LMAN1L: variants seen among roughly 807,000 people sequenced by gnomAD.
LMAN1L encodes the protein lectin, mannose binding 1 like.
LMAN1L carries 60 observed loss-of-function variants against 58.3 expected under a neutral mutation model. That is an observed-to-expected ratio of 1.03 (90% CI 0.84 to 1.27). The LOEUF is 1.27. Among genes scored for constraint, LMAN1L ranks in the 50% most tolerant of loss-of-function variants. LMAN1L has a pLI of 0.00. For synonymous variants in LMAN1L, 280 were observed against 271.6 expected, an observed-to-expected ratio of 1.03 and a Z score of -0.31; for missense variants, 629 against 674.0, an observed-to-expected ratio of 0.93 and a Z score of 0.74.
In LMAN1L at chr15:74,825,661, G is replaced by A. The variant is rs1006352503; in HGVS notation, c.*56G>A. On this transcript the variant is annotated 3_prime_UTR_variant, in exon 14 of 14. Transcript: ENST00000309664. ...GAAGCAGGCAGTGTCTTGGGTGGGG[G>A]CTTGGTCAGTATCCTCTCCGTCTGG... 4 of 1,570,142 alleles carry A rather than the reference G, an allele frequency of 2.5e-6. No individual in the cohort carries two copies. In the African/African-American group the frequency reaches 5.4e-5, roughly 21 times the overall value.
intron 12 of LMAN1L, 194 bp from the exon 13 acceptor site, chr15:74,824,157 C>T (rs1023478112): frequency 7.8e-6 from 5 of 642,050 alleles, no homozygotes; most frequent in Non-Finnish European, 1.4e-5. Flanking sequence ...CAGCTGTTCC[C>T]ACAGATGCAG....
chr15:74,815,661 G>C (rs1365356966), intron 1 of LMAN1L, among the ~76,000 whole-genome samples: 1 of 152,126 alleles, frequency 6.6e-6, no homozygotes, highest in African/African-American at 2.4e-5. Context: ...TAGAGTCTTG[G>C]GCCTTCTTGC....
At position 74,825,698 on chromosome 15, in the gene LMAN1L, C is replaced by T. The variant is rs867471638; in HGVS notation, c.*93C>T. On this transcript the variant is annotated 3_prime_UTR_variant, in exon 14 of 14. Coordinates refer to ENST00000309664, the MANE Select transcript of LMAN1L (RefSeq NM_021819.3). Reference sequence around the variant, plus strand: ...TCCTCTCCGTCTGGGTGCCCAGCTCCCACGCACACCTGAGCTTTCGGCATG... The same window carrying T: ...TCCTCTCCGTCTGGGTGCCCAGCTCTCACGCACACCTGAGCTTTCGGCATG... 1.5e-6 allele frequency: 2 copies of T among 1,302,478 alleles called. No individual in the cohort carries two copies. The highest frequency in any genetic ancestry group is 1.3e-5 in the South Asian group (1 of 77,280). 80.7% of individuals were successfully genotyped at this position (1,302,478 alleles called of 1,614,324 possible). A position where few individuals can be genotyped will look rare whatever the true frequency, so the allele number is the denominator to read the frequency against.
rs1816182122 is a variant in LMAN1L at position 74,819,235 on chromosome 15, T to A, written c.681T>A (p.Gly227=). The A allele has an allele frequency of 1.2e-6, 2 of 1,613,894 alleles. No homozygotes were observed. The highest frequency in any genetic ancestry group is 2.2e-5 in the South Asian group (2 of 91,084). ...GGCCCCTGCTTTTGGTCCCTGGAGG[T>A]TTCTTTGGGGTCTCAGCAGCCACCG... is the stretch of plus-strand genomic sequence containing the variant. ...DVGPLLLVPG[G]FFGVSAATGT... is the part of the protein sequence containing the mutation. Residue 227 remains glycine (G), a synonymous_variant, in exon 6 of 14, where the codon GGT becomes GGA. Transcript: ENST00000309664.
intron 1 of LMAN1L, among the ~76,000 whole-genome samples, chr15:74,814,659 C>T (rs2063882998): frequency 6.6e-6 from 1 of 152,192 alleles, no homozygotes; most frequent in Admixed American, 6.5e-5. Context: ...AGGCGAGCCA[C>T]CGCGCCCAGC....
At chr15:74,820,414 G>A in intron 7 of LMAN1L, 1 of 655,240 alleles carries the variant, frequency 1.5e-6, no homozygotes, top group Non-Finnish European at 2.6e-6. Flanking sequence ...TGGAGGAGAT[G>A]AGCTTAAAGG....
At position 74,819,292 on chromosome 15, in the gene LMAN1L, G is replaced by A; in HGVS notation, c.718+20G>A. 2 of 1,612,934 alleles carry A rather than the reference G, an allele frequency of 1.2e-6. No homozygotes were observed. Among genetic ancestry groups the A allele is most frequent in the South Asian group, 2.2e-5 (2 of 90,968 alleles). On this transcript the variant is annotated intron_variant, in intron 6 of 13. Transcript: ENST00000309664. The stretch of plus-strand genomic sequence containing the variant: ...TGGCAGGTGAGGATCCCACTGGACA[G>A]GTAAGAGCAGAAGGGCAGTGATGAA...
chr15:74,821,290 G>T, intron 9 of LMAN1L, 64 bp downstream of exon 9: 1 of 1,512,442 alleles, frequency 6.6e-7, no homozygotes, highest in Non-Finnish European at 8.9e-7. Flanking sequence ...AAGCACTGTA[G>T]TCAGCAACTA....
intron 4 of LMAN1L, among the ~76,000 whole-genome samples, chr15:74,818,513 G>A (rs571885511): frequency 2.0e-5 from 3 of 152,286 alleles, no homozygotes; most frequent in African/African-American, 7.2e-5. Context: ...GACCAACAAT[G>A]TGAAACCCCA....
chr15:74,821,103 G>C lies in LMAN1L; in HGVS notation c.936G>C (p.Thr312=), dbSNP rs753358635. Reference sequence around the variant, plus strand: ...AAAGGCTCTTTGACCTGGAGGAGACGCTGGGCAGACACCGCCGGATCCTGC... The same window carrying C: ...AAAGGCTCTTTGACCTGGAGGAGACCCTGGGCAGACACCGCCGGATCCTGC... ...EGERLFDLEE[T]LGRHRRILQA... The change falls in exon 9 of 14, where the codon ACG becomes ACC. Residue 312 remains threonine (T), a synonymous_variant. Coordinates refer to ENST00000309664, the MANE Select transcript of LMAN1L (RefSeq NM_021819.3). 5 of 1,573,882 alleles carry C rather than the reference G, an allele frequency of 3.2e-6. No individual in the cohort carries two copies. In the Admixed American group the frequency reaches 5.6e-5, roughly 18 times the overall value.
intron 7 of LMAN1L, 69 bp from the exon 8 acceptor site, chr15:74,820,566 T>G (rs1276680673): frequency 1.9e-6 from 3 of 1,593,428 alleles, no homozygotes; most frequent in Non-Finnish European, 2.6e-6. Flanking sequence ...GGGAAGCCTG[T>G]GGGAAGGCTC....
rs1246553183 is a variant in LMAN1L, at chr15:74,816,539, G to T, written c.438+5G>T. 5 of 1,571,472 alleles carry T rather than the reference G, an allele frequency of 3.2e-6. No homozygotes were observed. The highest frequency in any genetic ancestry group is 2.7e-5 in the African/African-American group (2 of 74,168). On this transcript the variant is annotated splice_donor_5th_base_variant and intron_variant, in intron 3 of 13. Coordinates refer to ENST00000309664, the MANE Select transcript of LMAN1L (RefSeq NM_021819.3). ...TCTCCGGCAGAGGATACTCAGGTGC[G>T]TAGTGGTCTCCTGCCTGCCAGCCCG... is the stretch of plus-strand genomic sequence containing the variant.
At position 74,816,499 on chromosome 15, in the gene LMAN1L, G is replaced by A. The variant is rs530685001; in HGVS notation, c.403G>A (p.Gly135Arg). 9 of 1,551,184 alleles carry A rather than the reference G, an allele frequency of 5.8e-6. No individual in the cohort carries two copies. In the African/African-American group the frequency reaches 8.2e-5, roughly 14 times the overall value. The change falls in exon 3 of 14, where the codon GGG becomes AGG. Residue 135 changes from glycine (G) to arginine (R), a missense_variant. Physicochemically the swap from Gly to Arg is moderately radical, Grantham distance 125. Coordinates refer to ENST00000309664, the MANE Select transcript of LMAN1L (RefSeq NM_021819.3). ...GGGGCTGGCTTCGTGGGACGGCATC[G>A]GGATCTTCTTTGACTCTCCGGCAGA... ...LGGLASWDGI[G>R]IFFDSPAEDT... is the part of the protein sequence containing the mutation.
chr15:74,821,024 T>C (rs1332654277), intron 8 of LMAN1L, 51 bp from the exon 9 acceptor site: 3 of 1,516,674 alleles, frequency 2.0e-6, no homozygotes, highest in Non-Finnish European at 2.7e-6. Context: ...AGATAGGCTG[T>C]GTTACCCCAC....
At chr15:74,813,487 G>A (rs1431126969) in intron 1 of LMAN1L, 2 of 456,984 alleles carry the variant, frequency 4.4e-6, no homozygotes, top group East Asian at 1.4e-4. Context: ...CAGGTGAGTG[G>A]GCACCAGCCC....
rs138769318 is a variant in LMAN1L at position 74,814,960 on chromosome 15, A to T, written c.176-1197A>T. 6.6e-3 allele frequency among the ~76,000 whole-genome samples: 1,003 copies of T among 152,244 alleles called. 11 individuals are homozygous for T. The highest frequency in any genetic ancestry group is 0.023 in the African/African-American group (959 of 41,536). On this transcript the variant is annotated intron_variant, in intron 1 of 13. Coordinates refer to ENST00000309664, the MANE Select transcript of LMAN1L (RefSeq NM_021819.3). ...ACCAGGATGGCAAAACTTATACAAC[A>T]CTCACTGCTATGGGCCTTGCCAAAT...
rs751543706 is a variant in LMAN1L, at chr15:74,816,292, G to A, written c.311G>A (p.Arg104His). Residue 104 changes from arginine to histidine, a missense_variant, in exon 2 of 14, where the codon CGC becomes CAC. Physicochemically the swap from Arg to His is conservative, Grantham distance 29. This residue lies in a region of LMAN1L where 573 missense variants were observed against 597.3 expected (regional missense o/e 0.96). Coordinates refer to ENST00000309664, the MANE Select transcript of LMAN1L (RefSeq NM_021819.3). ...CAGATGAGGGTGACGGGACTGGGGC[G>A]CCGGGGAGCCCAGGGCATGGTGAGT... ...EVQMRVTGLG[R>H]RGAQGMAVWY... is the part of the protein sequence containing the mutation. The A allele has an allele frequency of 6.8e-6, 11 of 1,612,254 alleles. No homozygotes were observed. Among genetic ancestry groups the A allele is most frequent in the Non-Finnish European group, 2.5e-6 (3 of 1,179,768 alleles).
At chr15:74,822,919 C>G (rs895644466) in intron 11 of LMAN1L, among the ~76,000 whole-genome samples, 3 of 152,226 alleles carry the variant, frequency 2.0e-5, no homozygotes, top group African/African-American at 4.8e-5. Flanking sequence ...AAGCAATTCT[C>G]TCCTGGAGAA....
intron 1 of LMAN1L, 57 bp downstream of exon 1, chr15:74,813,086 G>A (rs2063873016): frequency 1.3e-6 from 2 of 1,544,336 alleles, no homozygotes; most frequent in Non-Finnish European, 1.8e-6. Context: ...TGCTGGAGGG[G>A]CTGTGACTTG....
Sources: gnomAD v4.1 joint callset for allele counts (sites outside exome capture counted in the v4.1 genomes callset) on GRCh38, gnomAD v4.1.1 for gene constraint, gnomAD v4.1.1 regional missense constraint, MANE v1.5 for transcripts, NCBI Gene and HGNC (gene_info 2026-07-23, HGNC 2026-07-21) for gene names.